Variants in HPGD observed in about 807,000 individuals in gnomAD.
HPGD encodes 15-hydroxyprostaglandin dehydrogenase.
In HPGD, 29 loss-of-function variants were observed where a neutral mutation model predicts 30.0. The observed-to-expected ratio is 0.97, with a 90% CI of 0.72 to 1.32. The LOEUF is 1.32. Ranked by LOEUF, HPGD falls within the 40% of genes most tolerant of loss-of-function variation. The pLI, the probability that HPGD is intolerant of heterozygous loss-of-function variation, is 0.00. For missense variants in HPGD, 340 were observed against 322.1 expected (o/e 1.06, Z -0.43); for synonymous variants, 99 against 112.4 (o/e 0.88, Z 0.75).
intron 2 of HPGD, among the ~76,000 whole-genome samples, chr4:174,520,141 G>A (rs1736024631): frequency 6.6e-6 from 1 of 151,790 alleles, no homozygotes; most frequent in Non-Finnish European, 1.5e-5. Context: ...ATGTCTAATT[G>A]CCGCTTTAAT....
intron 3 of HPGD, among the ~76,000 whole-genome samples, chr4:174,517,608 A>G (rs1735855555): frequency 6.6e-6 from 1 of 152,136 alleles, no homozygotes; most frequent in Admixed American, 6.5e-5. Context: ...ATATAATCAT[A>G]TTATTCTTCT....
intron 4 of HPGD, among the ~76,000 whole-genome samples, chr4:174,498,822 A>G (rs1230818093): frequency 6.6e-6 from 1 of 151,998 alleles, no homozygotes. Context: ...TTGCAAACTG[A>G]CTCTCAATGT....
upstream of HPGD, chr4:174,522,534 C>A (rs1579312364): frequency 9.6e-7 from 1 of 1,041,440 alleles, no homozygotes; most frequent in Non-Finnish European, 1.3e-6. Flanking sequence ...TGCGCGCGCG[C>A]GCGTGCAGCC....
chr4:174,511,765 G>A (rs925174512), intron 3 of HPGD, among the ~76,000 whole-genome samples: 8 of 152,174 alleles, frequency 5.3e-5, no homozygotes, highest in African/African-American at 1.9e-4. Context: ...GCCTGCCTCA[G>A]CCTCCTGAAT....
chr4:174,508,984 T>C (rs1440746504), intron 3 of HPGD, among the ~76,000 whole-genome samples, 192 bp from the exon 4 acceptor site: 1 of 152,248 alleles, frequency 6.6e-6, no homozygotes, highest in Non-Finnish European at 1.5e-5. Context: ...GCCTAATCAT[T>C]GTGGAGCTTG....
intron 3 of HPGD, among the ~76,000 whole-genome samples, chr4:174,510,964 T>C (rs1735461348): frequency 6.6e-6 from 1 of 152,188 alleles, no homozygotes; most frequent in Non-Finnish European, 1.5e-5. Context: ...TTTGATGCTC[T>C]GGAAGGGAAG....
intron 2 of HPGD, among the ~76,000 whole-genome samples, chr4:174,520,232 C>G (rs750563587): frequency 6.6e-6 from 1 of 152,158 alleles, no homozygotes; most frequent in Non-Finnish European, 1.5e-5. Flanking sequence ...TGTTTTCTGA[C>G]ATCCCATTGA....
rs926675101 is a variant in HPGD, at chr4:174,498,463, C to T, written c.422-2839G>A. On this transcript the variant is annotated intron_variant, in intron 4 of 6. Coordinates refer to ENST00000296522, the MANE Select transcript of HPGD (RefSeq NM_000860.6). ...CAAGATAATGAACATGTCCATCACC[C>T]TAAAAGTTTCCTTGTGCCCCTTGGT... 1.3e-5 allele frequency among the ~76,000 whole-genome samples: 2 copies of T among 152,118 alleles called. 1 individual carries two copies. Among genetic ancestry groups the T allele is most frequent in the Admixed American group, 1.3e-4 (2 of 15,260 alleles).
intron 2 of HPGD, among the ~76,000 whole-genome samples, chr4:174,519,551 T>C (rs551300725): frequency 4.5e-4 from 68 of 152,202 alleles, no homozygotes; most frequent in African/African-American, 1.6e-3. Context: ...AATGGCCTGT[T>C]CCTGCCTTAA....
chr4:174,497,530 C>CTTGCA (rs551040470), intron 4 of HPGD, among the ~76,000 whole-genome samples: 26 of 139,662 alleles, frequency 1.9e-4, no homozygotes, highest in African/African-American at 6.6e-4. Context: ...AATGTTTACC[C>CTTGCA]TTGCATTGCT....
chr4:174,514,432 G>A (rs1236857685), intron 3 of HPGD, among the ~76,000 whole-genome samples: 2 of 152,104 alleles, frequency 1.3e-5, no homozygotes, highest in African/African-American at 4.8e-5. Context: ...AGAACTGCAA[G>A]GAGGGTATCC....
At chr4:174,504,794 C>T (rs972146138) in intron 4 of HPGD, among the ~76,000 whole-genome samples, 6 of 150,476 alleles carry the variant, frequency 4.0e-5, no homozygotes, top group African/African-American at 1.5e-4. Context: ...GCCTGGGTGA[C>T]ACGAGTGAAA....
chr4:174,506,521 A>C (rs1735198827), intron 4 of HPGD, among the ~76,000 whole-genome samples: 1 of 152,226 alleles, frequency 6.6e-6, no homozygotes, highest in African/African-American at 2.4e-5. Context: ...TGTGAATTCC[A>C]GCTCTGAGGC....
chr4:174,495,092 C>T (rs1432576099), intron 5 of HPGD, among the ~76,000 whole-genome samples: 1 of 152,146 alleles, frequency 6.6e-6, no homozygotes, highest in African/African-American at 2.4e-5. Flanking sequence ...CACCTTTCAC[C>T]CTAGGCCTCC....
chr4:174,522,512 T>A, upstream of HPGD: 1 of 1,349,422 alleles, frequency 7.4e-7, no homozygotes, highest in East Asian at 2.7e-5. Context: ...GGCCGCGGCT[T>A]TTATGCCCCC....
In HPGD at chr4:174,494,030, G is replaced by A. The variant is rs150638011; in HGVS notation, c.499-716C>T. Among the ~76,000 whole-genome samples the A allele has an allele frequency of 2.6e-4, 40 of 152,200 alleles. No homozygotes were observed. Among genetic ancestry groups the A allele is most frequent in the Non-Finnish European group, 3.1e-4 (21 of 68,006 alleles). On this transcript the variant is annotated intron_variant, in intron 5 of 6. Transcript: ENST00000296522. This position sits in a 1 kb window ranked among gnomAD's most constrained non-coding sequence, Gnocchi z 4.9. ...AGGTCAAGTAAGACTATACTCTGTC[G>A]TGCCATGTTTTTCTAATTTTGTGCT...
chr4:174,505,937 T>G (rs1735166390), intron 4 of HPGD, among the ~76,000 whole-genome samples: 1 of 152,178 alleles, frequency 6.6e-6, no homozygotes, highest in South Asian at 2.1e-4. Context: ...ATATTATTCA[T>G]TAAATTGTAC....
At chr4:174,505,002 T>C (rs1735116599) in intron 4 of HPGD, among the ~76,000 whole-genome samples, 1 of 152,230 alleles carries the variant, frequency 6.6e-6, no homozygotes, top group African/African-American at 2.4e-5. Flanking sequence ...GTTTGTATAT[T>C]ATGTTTATAA....
Position 174,521,922 on chromosome 4 carries a change from CAGAT to C in HPGD, c.217+18_217+21del. The C allele has an allele frequency of 8.1e-6, 13 of 1,613,880 alleles. No individual in the cohort carries two copies. The highest frequency in any genetic ancestry group is 1.3e-5 in the African/African-American group (1 of 75,036). Reference sequence around the variant, plus strand: ...TTGTTGAGAGCACGTTCCCAGTTGACAGATTGATTCCCCTGTCTTACCTCTCAGT... The same window carrying C: ...TTGTTGAGAGCACGTTCCCAGTTGACTGATTCCCCTGTCTTACCTCTCAGT... On this transcript the variant is annotated intron_variant, in intron 2 of 6. Coordinates refer to ENST00000296522, the MANE Select transcript of HPGD (RefSeq NM_000860.6).
Sources: allele counts gnomAD v4.1 joint callset (sites outside exome capture counted in the v4.1 genomes callset), GRCh38; gene constraint gnomAD v4.1.1; non-coding constraint Gnocchi (gnomAD v3.1); transcripts MANE v1.5; gene names NCBI Gene and HGNC (gene_info 2026-07-23, HGNC 2026-07-21).